The following NNT variants were observed in gnomAD, a reference collection of about 807,000 sequenced individuals.
The protein encoded by NNT is NAD(P) transhydrogenase, mitochondrial.
Under a neutral mutation model 104.8 loss-of-function variants are expected in NNT, and 50 were observed. That is an observed-to-expected ratio of 0.48 (90% CI 0.38 to 0.60). NNT has a LOEUF of 0.60. Among genes scored for constraint, NNT ranks in the 20% least tolerant of loss-of-function variants. NNT has a pLI of 0.00. For synonymous variants in NNT, 461 were observed against 490.4 expected, an observed-to-expected ratio of 0.94 and a Z score of 0.79; for missense variants, 1,131 against 1,330.7, an observed-to-expected ratio of 0.85 and a Z score of 2.33.
intron 12 of NNT, 149 bp from the exon 13 acceptor site, chr5:43,651,590 T>A (rs1341568904): frequency 2.4e-6 from 2 of 838,058 alleles, no homozygotes; most frequent in Admixed American, 5.6e-5. Flanking sequence ...AAAAAAAAAT[T>A]TGAGGTTGCA....
intron 16 of NNT, among the ~76,000 whole-genome samples, chr5:43,657,383 A>G (rs1022408193): frequency 2.0e-5 from 3 of 152,220 alleles, no homozygotes; most frequent in Non-Finnish European, 4.4e-5. Flanking sequence ...AGTAGTTTTT[A>G]GTTGTCTATG....
intron 17 of NNT, among the ~76,000 whole-genome samples, chr5:43,665,532 A>T (rs1466372958): frequency 6.6e-6 from 1 of 152,206 alleles, no homozygotes; most frequent in East Asian, 1.9e-4. Flanking sequence ...CACATGTTTC[A>T]GAAAGCACCG....
Position 43,656,693 on chromosome 5 carries a change from C to T in NNT, c.2334C>T (p.His778=), listed in dbSNP as rs776815541. 4.3e-6 allele frequency: 7 copies of T among 1,613,966 alleles called. No homozygotes were observed. In the Admixed American group the frequency reaches 8.3e-5, roughly 19 times the overall value. The change falls in exon 16 of 22, where the codon CAC becomes CAT. Residue 778 remains histidine (H), a synonymous_variant. Coordinates refer to ENST00000344920, the MANE Select transcript of NNT (RefSeq NM_182977.3). The part of the protein sequence containing the change: ...KSAPLLLPGR[H]LLNAGLLAAS... ...CCCCTCTCCTACTGCCTGGAAGGCA[C>T]TTACTCAATGCAGGCTTACTGGCTG...
At chr5:43,688,433 T>C (rs1447850772) in intron 19 of NNT, among the ~76,000 whole-genome samples, 1 of 152,106 alleles carries the variant, frequency 6.6e-6, no homozygotes. Flanking sequence ...TCAATTTCAA[T>C]AGGTTTTTGG....
chr5:43,697,856 C>A (rs527903828), intron 19 of NNT, among the ~76,000 whole-genome samples: 54 of 152,234 alleles, frequency 3.5e-4, no homozygotes, highest in Non-Finnish European at 1.5e-4. Context: ...ATCACGAGAC[C>A]AGCATGGGAA....
chr5:43,704,530 G>C lies in NNT; in HGVS notation c.*126G>C. The C allele has an allele frequency of 2.1e-6, 2 of 947,706 alleles. No individual in the cohort carries two copies. Among genetic ancestry groups the C allele is most frequent in the Non-Finnish European group, 3.0e-6 (2 of 661,508 alleles). The allele number at this position is 947,706 out of a possible 1,614,324, so 58.7% of individuals were successfully genotyped here. Reference sequence around the variant, plus strand: ...GCTCTTGGAGAAAATGAAGACTGAAGAAAGCAAAGCAAAAACTGTATAGAG... The same window carrying C: ...GCTCTTGGAGAAAATGAAGACTGAACAAAGCAAAGCAAAAACTGTATAGAG... On this transcript the variant is annotated 3_prime_UTR_variant, in exon 22 of 22. Coordinates refer to ENST00000344920, the MANE Select transcript of NNT (RefSeq NM_182977.3).
At chr5:43,649,058 G>C in intron 10 of NNT, 89 bp from the exon 11 acceptor site, 1 of 1,391,796 alleles carries the variant, frequency 7.2e-7, no homozygotes, top group South Asian at 1.3e-5. Context: ...TAAAAGCATT[G>C]GCTATTCCAC....
At chr5:43,620,043 C>T (rs767794117) in intron 5 of NNT, among the ~76,000 whole-genome samples, 15 of 152,106 alleles carry the variant, frequency 9.9e-5, no homozygotes, top group Non-Finnish European at 1.9e-4. Context: ...GAGATCCACT[C>T]CCATGACCCA....
In NNT at chr5:43,656,644, T is replaced by G. The variant is rs114002702; in HGVS notation, c.2294-9T>G. ...TTCTGAATTGTAACTACTATGTGCT[T>G]GGCTCTAGGTCTCCTGAAATCTGCC... On this transcript the variant is annotated splice_polypyrimidine_tract_variant and intron_variant, in intron 15 of 21. Transcript: ENST00000344920. 368 of 1,600,906 alleles carry G rather than the reference T, an allele frequency of 2.3e-4. 1 individual carries two copies. In the African/African-American group the frequency reaches 4.6e-3, roughly 20 times the overall value.
chr5:43,664,119 C>T (rs1008267838), intron 17 of NNT, among the ~76,000 whole-genome samples: 4 of 152,182 alleles, frequency 2.6e-5, no homozygotes, highest in African/African-American at 7.2e-5. Context: ...TGGGTGTCCT[C>T]TGAGCTCAGT....
intron 1 of NNT, among the ~76,000 whole-genome samples, chr5:43,606,554 T>C (rs1749234531): frequency 6.6e-6 from 1 of 152,254 alleles, no homozygotes. Flanking sequence ...TAAAGCTGTC[T>C]GTCCAAATGC....
chr5:43,608,659 A>T (rs981928771), intron 1 of NNT, among the ~76,000 whole-genome samples: 1 of 152,218 alleles, frequency 6.6e-6, no homozygotes, highest in South Asian at 2.1e-4. Context: ...AGGATGTCAG[A>T]GTATTTGGTA....
rs369238859 is a variant in NNT at position 43,624,952 on chromosome 5, A to C, written c.776+832A>C. Among the ~76,000 whole-genome samples the C allele has an allele frequency of 2.7e-4, 41 of 152,360 alleles. 1 individual carries two copies. In the South Asian group the frequency reaches 8.1e-3, roughly 30 times the overall value. ...TTGGAAGAATGTGACTTTTCAGAGTAAAGAATGTTCCATAGAATATGGTTA... is the reference window on the plus strand; with the variant it reads ...TTGGAAGAATGTGACTTTTCAGAGTCAAGAATGTTCCATAGAATATGGTTA... On this transcript the variant is annotated intron_variant, in intron 6 of 21. Transcript: ENST00000344920.
intron 1 of NNT, among the ~76,000 whole-genome samples, chr5:43,604,895 A>G (rs1446306928): frequency 6.6e-6 from 1 of 151,932 alleles, no homozygotes; most frequent in Non-Finnish European, 1.5e-5. Context: ...CTAGTCTTGA[A>G]TTCTTGGCCT....
At chr5:43,697,331 C>T (rs1368789462) in intron 19 of NNT, among the ~76,000 whole-genome samples, 1 of 152,148 alleles carries the variant, frequency 6.6e-6, no homozygotes, top group Non-Finnish European at 1.5e-5. Context: ...CCAACAAGTT[C>T]CTCATCTCCA....
At chr5:43,682,392 G>C (rs1403403410) in intron 19 of NNT, among the ~76,000 whole-genome samples, 2 of 151,894 alleles carry the variant, frequency 1.3e-5, no homozygotes, top group Non-Finnish European at 2.9e-5. Flanking sequence ...TGTATTTTTA[G>C]TGGAAATGGG....
At position 43,675,572 on chromosome 5, in the gene NNT, G is replaced by A. The variant is rs1176406897; in HGVS notation, c.2696G>A (p.Gly899Asp). The A allele has an allele frequency of 5.6e-6, 9 of 1,613,582 alleles. No homozygotes were observed. The highest frequency in any genetic ancestry group is 7.6e-6 in the Non-Finnish European group (9 of 1,179,886). ...LGGYGTTSTA[G>D]GKPMEISGTH... is the part of the protein sequence containing the mutation. ...GGCTATGGCACCACTTCAACAGCTG[G>A]TGGAAAACCCATGGAAATTTCTGGC... is the stretch of plus-strand genomic sequence containing the variant. The change falls in exon 18 of 22, where the codon GGT becomes GAT. Residue 899 changes from glycine (G) to aspartate (D), a missense_variant. By Grantham distance (94) the Gly-to-Asp change is moderately conservative. Transcript: ENST00000344920.
Position 43,671,368 on chromosome 5 carries a change from C to T in NNT, c.2635-4143C>T, listed in dbSNP as rs1412420448. Among the ~76,000 whole-genome samples, 3 of 152,276 alleles carry T rather than the reference C, an allele frequency of 2.0e-5. No individual in the cohort carries two copies. The East Asian group carries it at 5.8e-4, about 29-fold the overall frequency. On this transcript the variant is annotated intron_variant, in intron 17 of 21. Coordinates refer to ENST00000344920, the MANE Select transcript of NNT (RefSeq NM_182977.3). ...TTTTGCTCGTTAGTTGATGCAGTTTCTTCCTAGCCTCGATGGTCTTTACAA... is the reference window on the plus strand; with the variant it reads ...TTTTGCTCGTTAGTTGATGCAGTTTTTTCCTAGCCTCGATGGTCTTTACAA...
intron 14 of NNT, among the ~76,000 whole-genome samples, chr5:43,655,278 G>A (rs924384022): frequency 1.3e-5 from 2 of 152,200 alleles, no homozygotes; most frequent in Non-Finnish European, 2.9e-5. Flanking sequence ...CATTGATGCT[G>A]GGTGTTCATT....
Sources: gnomAD v4.1 joint callset for allele counts (sites outside exome capture counted in the v4.1 genomes callset) on GRCh38, gnomAD v4.1.1 for gene constraint, MANE v1.5 for transcripts, NCBI Gene and HGNC (gene_info 2026-07-23, HGNC 2026-07-21) for gene names.